NLRC3: variants seen among roughly 807,000 people sequenced by gnomAD.
The protein encoded by NLRC3 is NLR family CARD domain containing 3.
A neutral mutation model predicts 91.6 loss-of-function variants in NLRC3; 87 were observed. That is an observed-to-expected ratio of 0.95 (90% CI 0.80 to 1.14). The LOEUF (loss-of-function observed/expected upper bound fraction) is 1.14, where lower values mean the gene tolerates loss of function less well. Among genes scored for constraint, NLRC3 ranks in the 50% most tolerant of loss-of-function variants. The pLI, the probability that NLRC3 is intolerant of heterozygous loss-of-function variation, is 0.00. For synonymous variants in NLRC3, 694 were observed against 625.3 expected (o/e 1.11, Z -1.64); for missense variants, 1,577 against 1,418.6 (o/e 1.11, Z -1.79).
In NLRC3 at chr16:3,541,600, G is replaced by A. The variant is rs59073403; in HGVS notation, c.*225C>T. On this transcript the variant is annotated 3_prime_UTR_variant, in exon 20 of 20. Transcript: ENST00000359128. ...CTTGGGGGTGGCCCCTCCCTTCTCT[G>A]TGCCATAACAGAGTACCCGTCACCC... is the stretch of plus-strand genomic sequence containing the variant. 4,371 of 565,980 alleles carry A rather than the reference G, an allele frequency of 7.7e-3. 114 individuals are homozygous for A. Among genetic ancestry groups the A allele is most frequent in the African/African-American group, 0.058 (3,091 of 53,218 alleles). 35.1% of individuals were successfully genotyped at this position (565,980 alleles called of 1,614,324 possible). A position where few individuals can be genotyped will look rare whatever the true frequency, so the allele number is the denominator to read the frequency against.
intron 3 of NLRC3, 100 bp downstream of exon 3, chr16:3,565,219 G>C (rs967234215): frequency 3.9e-5 from 27 of 697,844 alleles, no homozygotes; most frequent in Non-Finnish European, 6.4e-5. Context: ...TGGACTGGAA[G>C]GGCCATTTGT....
Position 3,563,402 on chromosome 16 carries a change from A to G in NLRC3, c.1535T>C (p.Val512Ala). 4.4e-6 allele frequency: 7 copies of G among 1,578,674 alleles called. No homozygotes were observed. Among genetic ancestry groups the G allele is most frequent in the Non-Finnish European group, 5.2e-6 (6 of 1,162,920 alleles). Reference sequence around the variant, plus strand: ...GAGGCCGGAGAGGAAGCGCAGGAACACGTCCAGCCTCCCGTCCTCTGCCTG... The same window carrying G: ...GAGGCCGGAGAGGAAGCGCAGGAACGCGTCCAGCCTCCCGTCCTCTGCCTG... Reference protein sequence around the residue: ...AMQAEDGRLDVFLRFLSGLLS... With the variant: ...AMQAEDGRLDAFLRFLSGLLS... Residue 512 changes from valine (V) to alanine (A), a missense_variant, in exon 5 of 20, where the codon GTG becomes GCG. By Grantham distance (64) the Val-to-Ala change is moderately conservative. Coordinates refer to ENST00000359128, the MANE Select transcript of NLRC3 (RefSeq NM_178844.4).
intron 7 of NLRC3, 36 bp downstream of exon 7, chr16:3,557,557 A>G: frequency 7.2e-7 from 1 of 1,398,286 alleles, no homozygotes; most frequent in Admixed American, 1.7e-5. Context: ...TTCTGGTTCC[A>G]ATGGCAAAAG....
Position 3,542,696 on chromosome 16 carries a change from G to A in NLRC3, c.3019C>T (p.Leu1007Phe), listed in dbSNP as rs764417968. Residue 1007 changes from leucine (L) to phenylalanine (F), a missense_variant, in exon 18 of 20, where the codon CTC becomes TTC. Leu to Phe is a conservative substitution (Grantham distance 22). Transcript: ENST00000359128. ...ALKVNSSLRR[L>F]NLQENSLGMD... Reference sequence around the variant, plus strand: ...TAGGTCCCTCCAGCCACTTACTTGAGTCTCCGGAGACTTGAGTTTACCTTC... The same window carrying A: ...TAGGTCCCTCCAGCCACTTACTTGAATCTCCGGAGACTTGAGTTTACCTTC... 146 of 1,606,240 alleles carry A rather than the reference G, an allele frequency of 9.1e-5. No homozygotes were observed. Among genetic ancestry groups the A allele is most frequent in the Admixed American group, 1.5e-4 (9 of 59,440 alleles).
At chr16:3,561,885 C>G in intron 5 of NLRC3, 97 bp from the exon 6 acceptor site, 1 of 805,214 alleles carries the variant, frequency 1.2e-6, no homozygotes, top group Admixed American at 1.9e-5. Flanking sequence ...TCCCATGCAG[C>G]GCTATCACCG....
rs1412714234 is a variant in NLRC3, at chr16:3,566,568, A to G, written c.-87+675T>C. Among the ~76,000 whole-genome samples, 17 of 152,170 alleles carry G rather than the reference A, an allele frequency of 1.1e-4. 1 individual carries two copies. The highest frequency in any genetic ancestry group is 2.5e-4 in the Non-Finnish European group (17 of 68,036). On this transcript the variant is annotated intron_variant, in intron 2 of 19. Transcript: ENST00000359128. ...TGGAGAAACCCCATCTCTATTAAAT[A>G]TACAAAATTAGCCAAGTGTGGCAGC...
chr16:3,557,053 A>G, intron 7 of NLRC3, 59 bp from the exon 8 acceptor site: 1 of 1,204,314 alleles, frequency 8.3e-7, no homozygotes, highest in East Asian at 2.3e-5. Context: ...GGAAGGGGAA[A>G]CAGAAACTGC....
intron 1 of NLRC3, among the ~76,000 whole-genome samples, chr16:3,570,132 G>A (rs190303827): frequency 6.6e-6 from 1 of 152,130 alleles, no homozygotes; most frequent in African/African-American, 2.4e-5. Flanking sequence ...CAGTGCGTGT[G>A]CTGTATAATC....
Position 3,565,019 on chromosome 16 carries a change from C to G in NLRC3, c.18G>C (p.Val6=). The change falls in exon 4 of 20, where the codon GTG becomes GTC. Residue 6 remains valine (V), a synonymous_variant. Coordinates refer to ENST00000359128, the MANE Select transcript of NLRC3 (RefSeq NM_178844.4). ...CCTGGCCGGCCTCCCTGCCCGTCCG[C>G]ACCTCTTGCTTCCTCATGGAGTCGG... MRKQE[V]RTGREAGQGH... 1 of 1,610,018 alleles carries G rather than the reference C, an allele frequency of 6.2e-7. No individual in the cohort carries two copies. Among genetic ancestry groups the G allele is most frequent in the African/African-American group, 1.3e-5 (1 of 75,076 alleles).
At position 3,557,481 on chromosome 16, in the gene NLRC3, A is replaced by G. The variant is rs2151094622; in HGVS notation, c.2099+112T>C. 1.1e-5 allele frequency: 7 copies of G among 651,044 alleles called. No homozygotes were observed. In the South Asian group the frequency reaches 1.3e-4, roughly 12 times the overall value. 40.3% of individuals were successfully genotyped at this position (651,044 alleles called of 1,614,324 possible). ...GGCTGAATCATGGGAATCAGGGAAG[A>G]ACAGACAGGTAAGACCCAAGTCATT... On this transcript the variant is annotated intron_variant, in intron 7 of 19. Coordinates refer to ENST00000359128, the MANE Select transcript of NLRC3 (RefSeq NM_178844.4).
intron 10 of NLRC3, among the ~76,000 whole-genome samples, chr16:3,551,035 A>G (rs2038966821): frequency 6.6e-6 from 1 of 151,758 alleles, no homozygotes; most frequent in Non-Finnish European, 1.5e-5. Flanking sequence ...CCACTTACCC[A>G]TTCATCCATC....
chr16:3,552,769 G>A (rs151245722), intron 9 of NLRC3, among the ~76,000 whole-genome samples: 1,575 of 152,090 alleles, frequency 0.01, 23 homozygotes, highest in African/African-American at 0.036. Context: ...GTGAAACTCC[G>A]TCTCTACTAA....
chr16:3,552,365 C>T (rs2039063415), intron 9 of NLRC3, 86 bp from the exon 10 acceptor site: 8 of 894,420 alleles, frequency 8.9e-6, no homozygotes, highest in Non-Finnish European at 5.6e-6. Flanking sequence ...AGGTCAGGGA[C>T]AACTAGTGTG....
rs1172821506 is a variant in NLRC3 at position 3,563,842 on chromosome 16, T to C, written c.1095A>G (p.Ser365=). 2.9e-5 allele frequency: 47 copies of C among 1,607,300 alleles called. No individual in the cohort carries two copies. The highest frequency in any genetic ancestry group is 3.4e-5 in the Non-Finnish European group (40 of 1,176,524). ...CGCTGAGGGCCATCCTAAAGTACCA[T>C]GAGTAGAGCTCGCACAGGGTCCTCG... is the stretch of plus-strand genomic sequence containing the variant. ...WPPRTLCELY[S]WYFRMALSGE... Residue 365 remains serine (S), a synonymous_variant, in exon 5 of 20, where the codon TCA becomes TCG. Transcript: ENST00000359128.
rs754406618 is a variant in NLRC3 at position 3,556,891 on chromosome 16, A to C, written c.2183+20T>G. The stretch of plus-strand genomic sequence containing the variant: ...GGGCCCTCTCTTGGGGTCACAACAC[A>C]GGGAGCAGGTGACACACACCTCAGG... On this transcript the variant is annotated intron_variant, in intron 8 of 19. Transcript: ENST00000359128. The C allele has an allele frequency of 1.1e-5, 17 of 1,576,926 alleles. No homozygotes were observed. Among genetic ancestry groups the C allele is most frequent in the African/African-American group, 2.7e-5 (2 of 74,148 alleles).
chr16:3,574,036 T>A (rs899609026), intron 1 of NLRC3, among the ~76,000 whole-genome samples: 5 of 140,782 alleles, frequency 3.6e-5, no homozygotes, highest in African/African-American at 1.4e-4. Flanking sequence ...TTTTTTTTTT[T>A]TTTTGAGATA....
Position 3,564,104 on chromosome 16 carries a change from C to G in NLRC3, c.833G>C (p.Gly278Ala). The change falls in exon 5 of 20, where the codon GGC becomes GCC. Residue 278 changes from glycine (G) to alanine (A), a missense_variant. By Grantham distance (60) the Gly-to-Ala change is moderately conservative (BLOSUM62 0). Transcript: ENST00000359128. This position sits in a 1 kb window ranked among gnomAD's most constrained non-coding sequence, Gnocchi z 5.9. The part of the protein sequence containing the change: ...RPSASGQIPG[G>A]LVDRMTEIRG... ...GATCTCCGTCATCCGGTCCACCAGGCCCCCTGGGATCTGGCCAGATGCACT... is the reference window on the plus strand; with the variant it reads ...GATCTCCGTCATCCGGTCCACCAGGGCCCCTGGGATCTGGCCAGATGCACT... 4 of 1,613,582 alleles carry G rather than the reference C, an allele frequency of 2.5e-6. No homozygotes were observed. The highest frequency in any genetic ancestry group is 1.6e-4 in the Middle Eastern group (1 of 6,062).
intron 14 of NLRC3, among the ~76,000 whole-genome samples, 171 bp downstream of exon 14, chr16:3,548,499 G>C (rs2038816027): frequency 6.6e-6 from 1 of 152,254 alleles, no homozygotes; most frequent in Non-Finnish European, 1.5e-5. Flanking sequence ...TGTGGGTCAG[G>C]AGAGCACAGG....
chr16:3,560,460 C>T (rs576093856), intron 6 of NLRC3, among the ~76,000 whole-genome samples: 1 of 152,010 alleles, frequency 6.6e-6, no homozygotes, highest in East Asian at 1.9e-4. Context: ...CTTGGGTTCT[C>T]TTCTCCAAAC....
Sources: gnomAD v4.1 joint callset for allele counts (sites outside exome capture counted in the v4.1 genomes callset) on GRCh38, gnomAD v4.1.1 for gene constraint, Gnocchi (gnomAD v3.1) non-coding constraint, MANE v1.5 for transcripts, NCBI Gene and HGNC (gene_info 2026-07-23, HGNC 2026-07-21) for gene names.